Variants in METTL25 observed in about 807,000 individuals in gnomAD.
The protein encoded by METTL25 is methyltransferase like 25.
In METTL25, 64 loss-of-function variants were observed where a neutral mutation model predicts 71.6. The observed-to-expected ratio is 0.89, with a 90% CI of 0.73 to 1.10. The LOEUF (loss-of-function observed/expected upper bound fraction) is 1.10. METTL25 is among the 50% of genes least tolerant of loss of function. METTL25 has a pLI of 0.00. For missense variants in METTL25, 807 were observed against 707.0 expected (o/e 1.14, Z -1.60); for synonymous variants, 287 against 250.3 (o/e 1.15, Z -1.38).
chr12:82,404,595 C>G (rs371953178), intron 5 of METTL25, among the ~76,000 whole-genome samples: 1 of 152,010 alleles, frequency 6.6e-6, no homozygotes, highest in South Asian at 2.1e-4. Flanking sequence ...CAAGAGTTTC[C>G]TGTTCTGTAG....
At chr12:82,442,447 G>A (rs1890420373) in intron 8 of METTL25, among the ~76,000 whole-genome samples, 1 of 152,116 alleles carries the variant, frequency 6.6e-6, no homozygotes, top group Non-Finnish European at 1.5e-5. Context: ...AATCTCCAGA[G>A]AATTATACTG....
chr12:82,414,147 CTT>C (rs1241130446), intron 5 of METTL25, among the ~76,000 whole-genome samples: 1 of 152,046 alleles, frequency 6.6e-6, no homozygotes, highest in Non-Finnish European at 1.5e-5. Context: ...GATGAGTAAA[CTT>C]TACTGCCAGC....
At chr12:82,391,564 G>A (rs972608852) in intron 3 of METTL25, among the ~76,000 whole-genome samples, 1 of 134,740 alleles carries the variant, frequency 7.4e-6, no homozygotes, top group African/African-American at 2.8e-5. Flanking sequence ...GTGTATAAAT[G>A]TTATATAAAA....
chr12:82,445,733 T>C (rs1185942750), intron 8 of METTL25, among the ~76,000 whole-genome samples: 1 of 152,202 alleles, frequency 6.6e-6, no homozygotes, highest in African/African-American at 2.4e-5. Flanking sequence ...ATATGTACTA[T>C]AGATTGAGGT....
chr12:82,433,661 T>C (rs970239309), intron 6 of METTL25, among the ~76,000 whole-genome samples: 2 of 151,646 alleles, frequency 1.3e-5, no homozygotes, highest in African/African-American at 4.8e-5. Flanking sequence ...AGTTAACTTA[T>C]CTTGATAGTG....
intron 9 of METTL25, 66 bp from the exon 10 acceptor site, chr12:82,476,578 A>C: frequency 9.9e-7 from 1 of 1,014,866 alleles, no homozygotes; most frequent in South Asian, 1.4e-5. Context: ...TTACTTTAGG[A>C]TATGTTTGAC....
chr12:82,376,160 T>A (rs1883832445), intron 1 of METTL25, among the ~76,000 whole-genome samples: 1 of 152,234 alleles, frequency 6.6e-6, no homozygotes, highest in Non-Finnish European at 1.5e-5. Context: ...TTATATTTTT[T>A]AAATTATTGA....
chr12:82,428,679 G>C (rs1316567012), intron 5 of METTL25, among the ~76,000 whole-genome samples: 1 of 151,822 alleles, frequency 6.6e-6, no homozygotes, highest in Non-Finnish European at 1.5e-5. Context: ...TTAAGAGCAT[G>C]AGTTCTGGAT....
At chr12:82,395,844 T>G (rs75793367) in intron 3 of METTL25, among the ~76,000 whole-genome samples, 3,494 of 152,106 alleles carry the variant, frequency 0.023, 136 homozygotes, top group African/African-American at 0.08. Flanking sequence ...GATTTTCCTA[T>G]TCTGATCAGA....
chr12:82,460,347 C>G (rs1308040714), intron 9 of METTL25, among the ~76,000 whole-genome samples: 1 of 152,146 alleles, frequency 6.6e-6, no homozygotes, highest in Non-Finnish European at 1.5e-5. Context: ...GGAGATAGAG[C>G]AAAACTCCCC....
chr12:82,455,140 T>TA (rs1215363890), intron 8 of METTL25, among the ~76,000 whole-genome samples: 1 of 151,480 alleles, frequency 6.6e-6, no homozygotes, highest in African/African-American at 2.4e-5. Flanking sequence ...GGGAAAAACT[T>TA]AAGTGCTTGT....
chr12:82,431,747 C>T (rs2717452), intron 6 of METTL25, among the ~76,000 whole-genome samples: 1 of 151,546 alleles, frequency 6.6e-6, no homozygotes, highest in Non-Finnish European at 1.5e-5. Context: ...CCCTTCATAC[C>T]TTGAAACTAC....
At chr12:82,442,668 C>T (rs979566483) in intron 8 of METTL25, among the ~76,000 whole-genome samples, 2 of 152,054 alleles carry the variant, frequency 1.3e-5, no homozygotes, top group Admixed American at 6.6e-5. Flanking sequence ...GCTGCATCCA[C>T]GTCAGTATCC....
chr12:82,360,254 A>T (rs1881661019), intron 1 of METTL25, among the ~76,000 whole-genome samples: 1 of 152,154 alleles, frequency 6.6e-6, no homozygotes, highest in African/African-American at 2.4e-5. Context: ...TTCTAATAAT[A>T]ATTGGATTAT....
chr12:82,408,798 T>C (rs914969953), intron 5 of METTL25, among the ~76,000 whole-genome samples: 1 of 152,178 alleles, frequency 6.6e-6, no homozygotes, highest in African/African-American at 2.4e-5. Context: ...TATGCTAAAA[T>C]ATCTGACTTA....
At chr12:82,430,625 A>G (rs1889403300) in intron 5 of METTL25, among the ~76,000 whole-genome samples, 1 of 151,752 alleles carries the variant, frequency 6.6e-6, no homozygotes, top group Admixed American at 6.6e-5. Flanking sequence ...TTAAATTGCT[A>G]AATCTTACAG....
chr12:82,466,678 T>A (rs1040034057), intron 9 of METTL25, among the ~76,000 whole-genome samples: 1 of 152,132 alleles, frequency 6.6e-6, no homozygotes, highest in African/African-American at 2.4e-5. Flanking sequence ...ATCTGTCCAA[T>A]GCTGAGAGTG....
At chr12:82,383,962 C>T (rs1224668430) in intron 1 of METTL25, among the ~76,000 whole-genome samples, 1 of 152,096 alleles carries the variant, frequency 6.6e-6, no homozygotes, top group Non-Finnish European at 1.5e-5. Flanking sequence ...ACCAATTAGC[C>T]TATCTTTTAA....
At chr12:82,423,613 G>A (rs912575182) in intron 5 of METTL25, among the ~76,000 whole-genome samples, 1 of 152,182 alleles carries the variant, frequency 6.6e-6, no homozygotes, top group Non-Finnish European at 1.5e-5. Flanking sequence ...GCAACCTACA[G>A]AATGGGAGAA....
Sources: allele counts gnomAD v4.1 joint callset (sites outside exome capture counted in the v4.1 genomes callset), GRCh38; gene constraint gnomAD v4.1.1; transcripts MANE v1.5; gene names NCBI Gene and HGNC (gene_info 2026-07-23, HGNC 2026-07-21).